Variants in PCDHA7 observed in about 807,000 individuals in gnomAD.
PCDHA7 encodes protocadherin alpha 7, also known as protocadherin alpha-7.
PCDHA7 carries 37 observed loss-of-function variants against 57.2 expected under a neutral mutation model. The ratio of observed to expected loss-of-function variants is 0.65; its 90% confidence interval spans 0.50 to 0.85. The LOEUF is 0.85. PCDHA7 is among the 40% of genes least tolerant of loss of function. The probability of loss-of-function intolerance (pLI) is 0.00; values close to 1 mark genes in which losing one functional copy is unlikely to be tolerated. For missense variants in PCDHA7, 1,188 were observed against 1,241.8 expected (o/e 0.96, Z 0.65); for synonymous variants, 553 against 558.8 (o/e 0.99, Z 0.15).
intron 1 of PCDHA7, chr5:140,877,450 A>G (rs1406485859): frequency 1.9e-6 from 3 of 1,613,636 alleles, no homozygotes; most frequent in Non-Finnish European, 2.5e-6. Flanking sequence ...GCCCGCGCTG[A>G]CGTCCACGGC....
Position 140,856,821 on chromosome 5 carries a change from C to G in PCDHA7, c.2355+20083C>G, listed in dbSNP as rs1554149155. ...ATGTATGAAAATCAAGTGAACCAAA[C>G]ATTAGTAATACGGCTCAACGCTTCT... is the stretch of plus-strand genomic sequence containing the variant. On this transcript the variant is annotated intron_variant, in intron 1 of 3. Transcript: ENST00000525929. 2.5e-6 allele frequency: 4 copies of G among 1,592,396 alleles called. 1 individual carries two copies. The South Asian group carries it at 4.4e-5, about 18-fold the overall frequency.
intron 1 of PCDHA7, among the ~76,000 whole-genome samples, chr5:140,922,935 G>A (rs1484457119): frequency 6.6e-6 from 1 of 152,130 alleles, no homozygotes; most frequent in Non-Finnish European, 1.5e-5. Flanking sequence ...TTTACTTCCA[G>A]CAATGGAAAT....
chr5:140,957,346 G>C (rs1027225386), intron 1 of PCDHA7, among the ~76,000 whole-genome samples: 7 of 152,080 alleles, frequency 4.6e-5, no homozygotes, highest in Non-Finnish European at 8.8e-5. Flanking sequence ...TTTTGAGAGA[G>C]AGACCACATT....
rs116232949 is a variant in PCDHA7, at chr5:140,982,448, G to A, written c.2415-27G>A. The A allele has an allele frequency of 4.0e-3, 6,396 of 1,613,770 alleles. 180 individuals carry two copies. In the African/African-American group the frequency reaches 0.067, roughly 17 times the overall value. ...ATGGGAAAGAATTTATGATCTAACC[G>A]TTATCTGGGTCTGTGTGTTTATTCA... On this transcript the variant is annotated intron_variant, in intron 2 of 3. Coordinates refer to ENST00000525929, the MANE Select transcript of PCDHA7 (RefSeq NM_018910.3).
chr5:140,870,186 C>T (rs1362653742), intron 1 of PCDHA7: 7 of 1,614,152 alleles, frequency 4.3e-6, no homozygotes, highest in Non-Finnish European at 5.9e-6. Flanking sequence ...TACGAGAGGA[C>T]GCTCAGCCCA....
chr5:140,842,853 A>C lies in PCDHA7; in HGVS notation c.2355+6115A>C. On this transcript the variant is annotated intron_variant, in intron 1 of 3. Transcript: ENST00000525929. ...TCGCTGTCGAGCTACATTTCGGTGC[A>C]CACGGAGAGCGGCAAGGTGTACGCG... is the stretch of plus-strand genomic sequence containing the variant. 6.3e-7 allele frequency: 1 copy of C among 1,593,882 alleles called. No individual in the cohort carries two copies. Among genetic ancestry groups the C allele is most frequent in the Middle Eastern group, 2.1e-4 (1 of 4,734 alleles).
chr5:140,884,002 C>A (rs1189374158), intron 1 of PCDHA7: 1 of 1,612,906 alleles, frequency 6.2e-7, no homozygotes, highest in Admixed American at 1.7e-5. Flanking sequence ...GCACAGTGAG[C>A]GAGCTGATGC....
Position 140,841,763 on chromosome 5 carries a change from C to T in PCDHA7, c.2355+5025C>T. The T allele has an allele frequency of 1.9e-6, 3 of 1,613,884 alleles. No individual in the cohort carries two copies. The highest frequency in any genetic ancestry group is 1.3e-5 in the African/African-American group (1 of 74,976). ...GCTGTTTGTTTCAGAATCCAGAATG[C>T]CAGACTCTCGGTTTCCGCTAGAGGG... On this transcript the variant is annotated intron_variant, in intron 1 of 3. Transcript: ENST00000525929.
At chr5:141,003,988 C>T (rs1554259401) in intron 3 of PCDHA7, among the ~76,000 whole-genome samples, 1 of 152,120 alleles carries the variant, frequency 6.6e-6, no homozygotes, top group African/African-American at 2.4e-5. Context: ...TGCCGGAGAT[C>T]CTAGAAGGGA....
intron 1 of PCDHA7, among the ~76,000 whole-genome samples, chr5:140,925,082 AAAGGAAGG>A (rs138596875): frequency 4.1e-5 from 6 of 147,388 alleles, no homozygotes; most frequent in Admixed American, 1.3e-4. Flanking sequence ...GCTCATCTGG[AAAGGAAGG>A]AAGGAAGGAA....
At chr5:140,846,148 T>A (rs1780222185) in intron 1 of PCDHA7, among the ~76,000 whole-genome samples, 1 of 149,706 alleles carries the variant, frequency 6.7e-6, no homozygotes, top group South Asian at 2.1e-4. Flanking sequence ...TATTTAAAAG[T>A]TGCCTGAGAT....
At position 140,870,817 on chromosome 5, in the gene PCDHA7, G is replaced by C. The variant is rs782095168; in HGVS notation, c.2355+34079G>C. On this transcript the variant is annotated intron_variant, in intron 1 of 3. Coordinates refer to ENST00000525929, the MANE Select transcript of PCDHA7 (RefSeq NM_018910.3). ...ACTGCTGGCGACTCAGGCTGGCAGCGCGGGAGGCGCAGTTAACAAGCTAGT... is the reference window on the plus strand; with the variant it reads ...ACTGCTGGCGACTCAGGCTGGCAGCCCGGGAGGCGCAGTTAACAAGCTAGT... The C allele has an allele frequency of 9.9e-6, 16 of 1,613,726 alleles. No individual in the cohort carries two copies. In the South Asian group the frequency reaches 1.3e-4, roughly 13 times the overall value.
rs1186272048 is a variant in PCDHA7, at chr5:140,851,988, ATTTG to A, written c.2355+15258_2355+15261del. ...CCACACTCTACCTTTAGTGCAAGCT[ATTTG>A]TTTGTTTTCTAATTTATAGTTTTAA... On this transcript the variant is annotated intron_variant, in intron 1 of 3. Coordinates refer to ENST00000525929, the MANE Select transcript of PCDHA7 (RefSeq NM_018910.3). The A allele has an allele frequency of 2.0e-6, 2 of 975,736 alleles. 1 individual carries two copies. Among genetic ancestry groups the A allele is most frequent in the African/African-American group, 3.5e-5 (2 of 56,556 alleles). 60.4% of individuals were successfully genotyped at this position (975,736 alleles called of 1,614,324 possible).
At chr5:140,924,188 T>A (rs2081715328) in intron 1 of PCDHA7, among the ~76,000 whole-genome samples, 1 of 152,146 alleles carries the variant, frequency 6.6e-6, no homozygotes, top group African/African-American at 2.4e-5. Flanking sequence ...AGAAAATTAG[T>A]TTTGGTTTAG....
intron 1 of PCDHA7, among the ~76,000 whole-genome samples, chr5:140,896,002 G>A (rs1485647299): frequency 1.3e-5 from 2 of 152,082 alleles, no homozygotes; most frequent in Non-Finnish European, 2.9e-5. Flanking sequence ...GTAGAGACAG[G>A]GTTTCTCCAT....
chr5:140,940,549 A>G (rs1554213474), intron 1 of PCDHA7, among the ~76,000 whole-genome samples: 1 of 152,110 alleles, frequency 6.6e-6, no homozygotes, highest in Non-Finnish European at 1.5e-5. Context: ...CCTGGGCTCA[A>G]GTGATTCTCC....
intron 1 of PCDHA7, chr5:140,883,461 T>C: frequency 2.5e-6 from 4 of 1,614,144 alleles, no homozygotes; most frequent in Non-Finnish European, 3.4e-6. Context: ...TTCAAGCTGG[T>C]GTCCACCTAC....
At chr5:140,872,957 C>T (rs2054004795) in intron 1 of PCDHA7, among the ~76,000 whole-genome samples, 1 of 152,138 alleles carries the variant, frequency 6.6e-6, no homozygotes, top group African/African-American at 2.4e-5. Flanking sequence ...CACGTAGTAT[C>T]ATCCCATCTG....
At position 140,836,088 on chromosome 5, in the gene PCDHA7, C is replaced by T. The variant is rs2150252378; in HGVS notation, c.1705C>T (p.Arg569Trp). Residue 569 changes from arginine (R) to tryptophan (W), a missense_variant, in exon 1 of 4, where the codon CGG becomes TGG. Physicochemically the swap from Arg to Trp is moderately radical, Grantham distance 101. Transcript: ENST00000525929. ...NDNAPALLAP[R>W]VGGTGGAVRE... is the part of the protein sequence containing the mutation. ...CAACGCGCCGGCACTGCTGGCGCCT[C>T]GGGTGGGTGGCACTGGTGGCGCAGT... is the stretch of plus-strand genomic sequence containing the variant. 2.5e-6 allele frequency: 4 copies of T among 1,613,654 alleles called. No individual in the cohort carries two copies. The South Asian group carries it at 3.3e-5, about 13-fold the overall frequency.
Sources: allele counts gnomAD v4.1 joint callset (sites outside exome capture counted in the v4.1 genomes callset), GRCh38; gene constraint gnomAD v4.1.1; transcripts MANE v1.5; gene names NCBI Gene and HGNC (gene_info 2026-07-23, HGNC 2026-07-21).